ARHGAP22: variants seen among roughly 807,000 people sequenced by gnomAD.
The protein encoded by ARHGAP22 is Rho GTPase activating protein 22.
A neutral mutation model predicts 59.1 loss-of-function variants in ARHGAP22; 48 were observed. The observed-to-expected ratio is 0.81, with a 90% CI of 0.64 to 1.03. ARHGAP22 has a LOEUF of 1.03. ARHGAP22 is among the 50% of genes least tolerant of loss of function. The pLI, the probability that ARHGAP22 is intolerant of heterozygous loss-of-function variation, is 0.00. For missense variants in ARHGAP22, 1,015 were observed against 958.7 expected, an observed-to-expected ratio of 1.06 and a Z score of -0.78; for synonymous variants, 445 against 416.4, an observed-to-expected ratio of 1.07 and a Z score of -0.84.
At chr10:48,504,221 G>A (rs764755920) in intron 3 of ARHGAP22, among the ~76,000 whole-genome samples, 7 of 152,192 alleles carry the variant, frequency 4.6e-5, no homozygotes, top group Non-Finnish European at 8.8e-5. Flanking sequence ...CAATGGCCAA[G>A]GGTGATCCCT....
intron 3 of ARHGAP22, among the ~76,000 whole-genome samples, chr10:48,509,446 A>G (rs1421295924): frequency 2.0e-5 from 3 of 152,248 alleles, no homozygotes; most frequent in Admixed American, 1.3e-4. Context: ...TCCATGAATG[A>G]CACTGTTGTG....
chr10:48,576,741 C>T (rs1040429426), intron 2 of ARHGAP22, among the ~76,000 whole-genome samples: 2 of 148,730 alleles, frequency 1.3e-5, no homozygotes, highest in African/African-American at 4.9e-5. Flanking sequence ...TCTATGGTCT[C>T]AGATGAGGTT....
At chr10:48,648,801 G>A (rs1182906500) in intron 1 of ARHGAP22, among the ~76,000 whole-genome samples, 1 of 152,186 alleles carries the variant, frequency 6.6e-6, no homozygotes, top group African/African-American at 2.4e-5. Context: ...GTGCTTGGCA[G>A]CAGATCCTAC....
chr10:48,644,939 A>G (rs958131706), intron 1 of ARHGAP22, among the ~76,000 whole-genome samples: 1 of 152,116 alleles, frequency 6.6e-6, no homozygotes, highest in Admixed American at 6.5e-5. Flanking sequence ...AAAAAAATCA[A>G]TGAACTAGAA....
At chr10:48,453,513 T>A in intron 7 of ARHGAP22, 88 bp from the exon 8 acceptor site, 1 of 1,566,242 alleles carries the variant, frequency 6.4e-7, no homozygotes, top group African/African-American at 1.4e-5. Flanking sequence ...GCCACACCCC[T>A]GCTGAGCCCT....
rs531479086 is a variant in ARHGAP22, at chr10:48,481,098, C to T, written c.323-1334G>A. 3.3e-5 allele frequency among the ~76,000 whole-genome samples: 5 copies of T among 152,216 alleles called. No homozygotes were observed. In the South Asian group the frequency reaches 8.3e-4, roughly 25 times the overall value. ...CACTACGCAGATAAGCCCTGCTCGCCGGGGCTCAGGCAGCCGCTGGGCAGC... is the reference window on the plus strand; with the variant it reads ...CACTACGCAGATAAGCCCTGCTCGCTGGGGCTCAGGCAGCCGCTGGGCAGC... On this transcript the variant is annotated intron_variant, in intron 3 of 9. Coordinates refer to ENST00000249601, the MANE Select transcript of ARHGAP22 (RefSeq NM_021226.4).
upstream of ARHGAP22, among the ~76,000 whole-genome samples, chr10:48,606,047 G>C (rs1421992356): frequency 6.6e-6 from 1 of 152,098 alleles, no homozygotes. Flanking sequence ...TAATCACTCC[G>C]TGTATCCTCT....
At chr10:48,486,639 A>G (rs1168267433) in intron 3 of ARHGAP22, among the ~76,000 whole-genome samples, 1 of 152,204 alleles carries the variant, frequency 6.6e-6, no homozygotes, top group Non-Finnish European at 1.5e-5. Flanking sequence ...TTTTGAAAAT[A>G]TTTAAATTAT....
downstream of ARHGAP22, among the ~76,000 whole-genome samples, chr10:48,442,643 T>C (rs1231618585): frequency 6.6e-6 from 1 of 150,962 alleles, no homozygotes; most frequent in African/African-American, 2.4e-5. Flanking sequence ...CCACCAGGCC[T>C]GGGCCCAGAA....
At chr10:48,493,512 C>T in intron 3 of ARHGAP22, 1 of 1,535,158 alleles carries the variant, frequency 6.5e-7, no homozygotes, top group Non-Finnish European at 8.7e-7. Flanking sequence ...GCGGGGGCTG[C>T]AGTGAGAGGA....
intron 2 of ARHGAP22, among the ~76,000 whole-genome samples, chr10:48,571,566 T>C (rs781189442): frequency 2.6e-5 from 4 of 152,222 alleles, no homozygotes; most frequent in Non-Finnish European, 5.9e-5. Context: ...CTAATCTCTT[T>C]GTGCCTCAGT....
chr10:48,644,120 C>T (rs1427144441), intron 1 of ARHGAP22, among the ~76,000 whole-genome samples: 1 of 152,064 alleles, frequency 6.6e-6, no homozygotes, highest in Non-Finnish European at 1.5e-5. Context: ...GCACTCCAGC[C>T]TGGGCAACAA....
At chr10:48,579,940 G>A (rs10776626) in intron 2 of ARHGAP22, among the ~76,000 whole-genome samples, 56,978 of 152,108 alleles carry the variant, frequency 0.37, 11,750 homozygotes, top group East Asian at 0.74. Flanking sequence ...TGTATAAGCT[G>A]AATGAATCAA....
At chr10:48,502,583 G>A (rs73296292) in intron 3 of ARHGAP22, among the ~76,000 whole-genome samples, 4,318 of 152,238 alleles carry the variant, frequency 0.028, 222 homozygotes, top group African/African-American at 0.099. Flanking sequence ...TTATTGCCAG[G>A]AAGCACCACA....
chr10:48,524,848 A>C (rs886943141), intron 3 of ARHGAP22, among the ~76,000 whole-genome samples: 2 of 152,204 alleles, frequency 1.3e-5, no homozygotes, highest in African/African-American at 4.8e-5. Flanking sequence ...GATGCTACTT[A>C]GCACAAATTA....
chr10:48,523,331 C>T (rs1008328012), intron 3 of ARHGAP22, among the ~76,000 whole-genome samples: 3 of 152,202 alleles, frequency 2.0e-5, no homozygotes, highest in African/African-American at 7.2e-5. Flanking sequence ...GTTTAGGGAG[C>T]GCTGCAGTAA....
chr10:48,581,800 T>C (rs2135615611), intron 2 of ARHGAP22, among the ~76,000 whole-genome samples: 1 of 152,314 alleles, frequency 6.6e-6, no homozygotes, highest in Non-Finnish European at 1.5e-5. Context: ...TTGGTATCTC[T>C]ATCACAAGCG....
At chr10:48,474,760 T>C (rs1462344070) in intron 4 of ARHGAP22, among the ~76,000 whole-genome samples, 4 of 152,242 alleles carry the variant, frequency 2.6e-5, no homozygotes, top group African/African-American at 9.6e-5. Context: ...AGTACATTAA[T>C]TGATTTTCAG....
intron 8 of ARHGAP22, chr10:48,451,393 T>C: frequency 4.2e-6 from 3 of 708,788 alleles, no homozygotes; most frequent in Non-Finnish European, 7.7e-6. Context: ...GCACTGTGCC[T>C]GCGCTCACGC....
Sources: allele counts gnomAD v4.1 joint callset (sites outside exome capture counted in the v4.1 genomes callset), GRCh38; gene constraint gnomAD v4.1.1; transcripts MANE v1.5; gene names NCBI Gene and HGNC (gene_info 2026-07-23, HGNC 2026-07-21).